Variants in PTPN13 observed in about 807,000 individuals in gnomAD.
PTPN13 encodes the protein tyrosine-protein phosphatase non-receptor type 13.
A neutral mutation model predicts 284.0 loss-of-function variants in PTPN13; 191 were observed. The observed-to-expected ratio is 0.67, with a 90% CI of 0.60 to 0.76. PTPN13 has a LOEUF of 0.76. PTPN13 is among the 30% of genes least tolerant of loss of function. The probability of loss-of-function intolerance (pLI) is 0.00; values close to 1 mark genes in which losing one functional copy is unlikely to be tolerated. For synonymous variants in PTPN13, 986 were observed against 1,022.3 expected (o/e 0.96, Z 0.68); for missense variants, 2,797 against 2,939.9 (o/e 0.95, Z 1.12).
intron 10 of PTPN13, among the ~76,000 whole-genome samples, chr4:86,725,682 A>G (rs1040486982): frequency 2.0e-5 from 3 of 149,288 alleles, no homozygotes; most frequent in Non-Finnish European, 4.5e-5. Flanking sequence ...TGTTTCTTGT[A>G]AATTTGTTGA....
chr4:86,811,360 T>C (rs572420418), intron 47 of PTPN13, among the ~76,000 whole-genome samples: 5 of 152,148 alleles, frequency 3.3e-5, no homozygotes, highest in Non-Finnish European at 5.9e-5. Flanking sequence ...TTACAGAGAA[T>C]GGGATAGCAT....
In PTPN13 at chr4:86,745,109, C is replaced by T. The variant is rs753440360; in HGVS notation, c.2631C>T (p.Asn877=). 2 of 1,610,066 alleles carry T rather than the reference C, an allele frequency of 1.2e-6. No individual in the cohort carries two copies. The highest frequency in any genetic ancestry group is 1.1e-5 in the South Asian group (1 of 90,194). The change falls in exon 17 of 48, where the codon AAC becomes AAT. Residue 877 remains asparagine (N), a synonymous_variant. Coordinates refer to ENST00000411767, the MANE Select transcript of PTPN13 (RefSeq NM_080683.3). ...TACAGATGAGAGCAAGACAGAGCAA[C>T]CAAGATGCCCAAGATATTGGTAAGG... ...FQLQMRARQS[N]QDAQDIERAS... is the part of the protein sequence containing the mutation.
intron 1 of PTPN13, among the ~76,000 whole-genome samples, chr4:86,633,847 C>T (rs1722726568): frequency 6.6e-6 from 1 of 152,116 alleles, no homozygotes; most frequent in Admixed American, 6.5e-5. Flanking sequence ...CAATGAGAAC[C>T]TAGAGACTTT....
rs766112626 is a variant in PTPN13, at chr4:86,734,375, C to T, written c.1931C>T (p.Pro644Leu). The T allele has an allele frequency of 1.9e-6, 3 of 1,561,760 alleles. No individual in the cohort carries two copies. The highest frequency in any genetic ancestry group is 2.6e-6 in the Non-Finnish European group (3 of 1,151,246). ...KVAPEGWKEE[P>L]KKKTKATVNF... is the part of the protein sequence containing the mutation. ...GCCCCAGAGGGATGGAAAGAAGAAC[C>T]AAAGAAAAAGACCAAAGCCACTGTT... The change falls in exon 13 of 48, where the codon CCA becomes CTA. Residue 644 changes from proline to leucine, a missense_variant. Transcript: ENST00000411767.
chr4:86,604,239 C>T (rs986018966), intron 1 of PTPN13, among the ~76,000 whole-genome samples: 1 of 151,970 alleles, frequency 6.6e-6, no homozygotes, highest in Non-Finnish European at 1.5e-5. Context: ...TATTTCTGAT[C>T]TGTAAAATGC....
Position 86,764,739 on chromosome 4 carries a change from G to A in PTPN13, c.4149+15G>A. 3 of 1,591,326 alleles carry A rather than the reference G, an allele frequency of 1.9e-6. No homozygotes were observed. In the African/African-American group the frequency reaches 4.1e-5, roughly 22 times the overall value. ...TAAGTGTCACGGTACTGTTTGACAAGGTTTTCAAATGTTTTCTCTTCTTTA... is the reference window on the plus strand; with the variant it reads ...TAAGTGTCACGGTACTGTTTGACAAAGTTTTCAAATGTTTTCTCTTCTTTA... On this transcript the variant is annotated intron_variant, in intron 25 of 47. Coordinates refer to ENST00000411767, the MANE Select transcript of PTPN13 (RefSeq NM_080683.3).
At chr4:86,776,095 G>A (rs1453300499) in intron 35 of PTPN13, among the ~76,000 whole-genome samples, 3 of 152,100 alleles carry the variant, frequency 2.0e-5, no homozygotes, top group Non-Finnish European at 4.4e-5. Flanking sequence ...ACAGGCACCC[G>A]CCACCACGCC....
At chr4:86,709,849 A>G (rs1732184698) in intron 7 of PTPN13, among the ~76,000 whole-genome samples, 1 of 149,516 alleles carries the variant, frequency 6.7e-6, no homozygotes, top group Non-Finnish European at 1.5e-5. Context: ...TACTCTGCAT[A>G]TATTTTAGAT....
chr4:86,807,977 C>T, intron 45 of PTPN13, 80 bp downstream of exon 45: 3 of 1,214,230 alleles, frequency 2.5e-6, no homozygotes, highest in Non-Finnish European at 3.5e-6. Context: ...CGTGATTGCA[C>T]CAATGTTATT....
intron 1 of PTPN13, among the ~76,000 whole-genome samples, chr4:86,630,060 C>T (rs1276679861): frequency 6.6e-6 from 1 of 152,090 alleles, no homozygotes; most frequent in Non-Finnish European, 1.5e-5. Context: ...GTCACTGCAC[C>T]TGGCCATAGT....
chr4:86,799,674 A>G lies in PTPN13; in HGVS notation c.6505+470A>G, dbSNP rs530857475. Among the ~76,000 whole-genome samples, 14 of 152,094 alleles carry G rather than the reference A, an allele frequency of 9.2e-5. 1 individual carries two copies. Among genetic ancestry groups the G allele is most frequent in the Admixed American group, 6.6e-4 (10 of 15,242 alleles). ...ATAAAGTTAAATCATGTAGACAAAA[A>G]TCAATATTCATTATATTACCAGATA... On this transcript the variant is annotated intron_variant, in intron 42 of 47. Transcript: ENST00000411767.
chr4:86,771,309 A>T lies in PTPN13; in HGVS notation c.4942A>T (p.Arg1648Ter). ...CAAAAAACAGTGCAAGTCCCCATCCAGAAGAGACAGTTACAGTGACAGCAG... is the reference window on the plus strand; with the variant it reads ...CAAAAAACAGTGCAAGTCCCCATCCTGAAGAGACAGTTACAGTGACAGCAG... ...KSKKQCKSPS[R>*]RDSYSDSSGS... is the part of the protein sequence containing the mutation. Residue 1648 changes from arginine (R) to a stop codon, truncating the protein, a stop_gained, in exon 31 of 48, where the codon AGA (arginine) becomes TGA (stop). Coordinates refer to ENST00000411767, the MANE Select transcript of PTPN13 (RefSeq NM_080683.3). LOFTEE classifies it high-confidence loss of function. The T allele has an allele frequency of 6.2e-7, 1 of 1,601,576 alleles. No individual in the cohort carries two copies. The highest frequency in any genetic ancestry group is 8.5e-7 in the Non-Finnish European group (1 of 1,173,876).
rs372876349 is a variant in PTPN13 at position 86,753,021 on chromosome 4, A to G, written c.3179A>G (p.His1060Arg). 5 of 1,607,666 alleles carry G rather than the reference A, an allele frequency of 3.1e-6. No homozygotes were observed. Among genetic ancestry groups the G allele is most frequent in the South Asian group, 2.2e-5 (2 of 90,408 alleles). ...GQAYVLGMTM[H>R]SSGNSSSQVP... is the part of the protein sequence containing the mutation. ...ATTTATGCCACAGGAATGACTATGC[A>G]TAGTTCTGGAAACTCTTCATCCCAA... is the stretch of plus-strand genomic sequence containing the variant. The change falls in exon 20 of 48, where the codon CAT (histidine) becomes CGT (arginine). Residue 1060 changes from histidine (H) to arginine (R), a missense_variant. Physicochemically the swap from His to Arg is conservative, Grantham distance 29. Transcript: ENST00000411767.
intron 28 of PTPN13, among the ~76,000 whole-genome samples, chr4:86,769,417 G>A (rs1255071534): frequency 1.3e-5 from 2 of 151,878 alleles, no homozygotes; most frequent in Non-Finnish European, 1.5e-5. Flanking sequence ...CTCCTACTTC[G>A]GCCTCCCAAA....
chr4:86,750,451 C>A lies in PTPN13; in HGVS notation c.2651-19C>A. The A allele has an allele frequency of 6.3e-7, 1 of 1,590,766 alleles. No homozygotes were observed. The highest frequency in any genetic ancestry group is 8.6e-7 in the Non-Finnish European group (1 of 1,168,756). On this transcript the variant is annotated intron_variant, in intron 17 of 47. Transcript: ENST00000411767. ...ACTGTGGCGTTACCATCATGTAAAG[C>A]AATCCTATTTCCTTGTAGAGAGAGC...
intron 7 of PTPN13, among the ~76,000 whole-genome samples, chr4:86,705,152 G>C (rs558025165): frequency 6.6e-6 from 1 of 151,886 alleles, no homozygotes; most frequent in Non-Finnish European, 1.5e-5. Flanking sequence ...TGGCTAACAC[G>C]GTGAAACCCC....
At chr4:86,748,380 A>G (rs989610434) in intron 17 of PTPN13, among the ~76,000 whole-genome samples, 11 of 152,278 alleles carry the variant, frequency 7.2e-5, no homozygotes, top group African/African-American at 2.4e-4. Context: ...TGGTTGGTTT[A>G]TGATCCCATC....
At chr4:86,780,576 T>G in intron 36 of PTPN13, 104 bp downstream of exon 36, 4 of 772,668 alleles carry the variant, frequency 5.2e-6, no homozygotes, top group Non-Finnish European at 9.0e-6. Context: ...AATTATAACT[T>G]ACACCTAAAA....
In PTPN13 at chr4:86,807,657, C is replaced by T; in HGVS notation, c.6843C>T (p.Ala2281=). The T allele has an allele frequency of 6.2e-7, 1 of 1,614,000 alleles. No individual in the cohort carries two copies. Among genetic ancestry groups the T allele is most frequent in the South Asian group, 1.1e-5 (1 of 91,074 alleles). ...GGAAAGAAGAGTTCGTTTACATTGC[C>T]TGCCAAGGACCACTGCCTACAACTG... ...PVGKEEFVYI[A]CQGPLPTTVG... The change falls in exon 45 of 48, where the codon GCC becomes GCT. Residue 2281 remains alanine (A), a synonymous_variant. Coordinates refer to ENST00000411767, the MANE Select transcript of PTPN13 (RefSeq NM_080683.3).
Sources: allele counts gnomAD v4.1 joint callset (sites outside exome capture counted in the v4.1 genomes callset), GRCh38; gene constraint gnomAD v4.1.1; transcripts MANE v1.5; gene names NCBI Gene and HGNC (gene_info 2026-07-23, HGNC 2026-07-21).